SYNPO: variants seen among roughly 807,000 people sequenced by gnomAD.
SYNPO encodes the protein synaptopodin.
In SYNPO, 19 loss-of-function variants were observed where a neutral mutation model predicts 49.5. The ratio of observed to expected loss-of-function variants is 0.38; its 90% CI spans 0.27 to 0.56. SYNPO has a LOEUF of 0.56. Among genes scored for constraint, SYNPO ranks in the 20% least tolerant of loss-of-function variants. SYNPO has a pLI of 0.68. For synonymous variants in SYNPO, 536 were observed against 548.0 expected (o/e 0.98, Z 0.31); for missense variants, 1,131 against 1,248.3 (o/e 0.91, Z 1.42).
chr5:150,654,488 T>C (rs1256348916), intron 2 of SYNPO, among the ~76,000 whole-genome samples: 1 of 152,124 alleles, frequency 6.6e-6, no homozygotes, highest in Non-Finnish European at 1.5e-5. Flanking sequence ...ACTAGTCTGT[T>C]GTGAAAACCT....
rs751833108 is a variant in SYNPO at position 150,649,333 on chromosome 5, A to T, written c.1058A>T (p.His353Leu). Reference sequence around the variant, plus strand: ...CCCAGCTCCGACCCCAAGTCTTCTCATCTGAAGGGCCAGGCGGTTCCTGCC... The same window carrying T: ...CCCAGCTCCGACCCCAAGTCTTCTCTTCTGAAGGGCCAGGCGGTTCCTGCC... ...LYPSSDPKSSHLKGQAVPASK... is the reference protein window; with the variant it reads ...LYPSSDPKSSLLKGQAVPASK... The change falls in exon 2 of 3, where the codon CAT (histidine) becomes CTT (leucine). Residue 353 changes from histidine to leucine, a missense_variant. This residue lies in a region of SYNPO where 602 missense variants were observed against 720.7 expected (regional missense o/e 0.84). Transcript: ENST00000307662. 3.1e-6 allele frequency: 5 copies of T among 1,614,146 alleles called. No individual in the cohort carries two copies. Among genetic ancestry groups the T allele is most frequent in the Non-Finnish European group, 4.2e-6 (5 of 1,180,012 alleles).
chr5:150,648,713 G>A lies in SYNPO; in HGVS notation c.438G>A (p.Pro146=), dbSNP rs367801557. 4.0e-5 allele frequency: 65 copies of A among 1,614,062 alleles called. No homozygotes were observed. The African/African-American group carries it at 7.3e-4, about 18-fold the overall frequency. The change falls in exon 2 of 3, where the codon CCG becomes CCA. Residue 146 remains proline, a synonymous_variant. Coordinates refer to ENST00000307662, the MANE Select transcript of SYNPO (RefSeq NM_007286.6). The surrounding 1 kb of genome is among the most constrained non-coding windows in gnomAD (Gnocchi z 5.0). ...TLCADGQPQA[P]AEEVRCSTLL... ...GTGCTGATGGGCAACCCCAGGCACC[G>A]GCTGAGGAGGTGAGATGCAGCACAC...
At chr5:150,625,272 A>T (rs929969581) in intron 2 of SYNPO, among the ~76,000 whole-genome samples, 1 of 152,170 alleles carries the variant, frequency 6.6e-6, no homozygotes, top group Non-Finnish European at 1.5e-5. Flanking sequence ...CTGTCTCCCC[A>T]AGCCCGTTCT....
At chr5:150,603,810 C>G (rs182499726) in intron 1 of SYNPO, among the ~76,000 whole-genome samples, 2 of 152,316 alleles carry the variant, frequency 1.3e-5, no homozygotes, top group Admixed American at 1.3e-4. Context: ...CCCTCTCTGG[C>G]CCACCTCTCC....
At chr5:150,642,657 C>T (rs1359243518) in intron 1 of SYNPO, among the ~76,000 whole-genome samples, 1 of 152,138 alleles carries the variant, frequency 6.6e-6, no homozygotes, top group Non-Finnish European at 1.5e-5. Context: ...CTAGGGTGTC[C>T]CCCCGCCTCC....
At chr5:150,624,842 G>A (rs548656363) in intron 2 of SYNPO, 4 of 984,562 alleles carry the variant, frequency 4.1e-6, no homozygotes, top group South Asian at 9.0e-5. Context: ...GCGCGCTGAC[G>A]GACGCGGCCA....
intron 2 of SYNPO, chr5:150,625,032 G>T (rs1757307574): frequency 1.1e-6 from 1 of 947,942 alleles, no homozygotes; most frequent in South Asian, 4.9e-5. Flanking sequence ...CCTCGCACGC[G>T]GGGTGACCTT....
At chr5:150,625,568 C>T (rs1003515673) in intron 2 of SYNPO, among the ~76,000 whole-genome samples, 1 of 152,192 alleles carries the variant, frequency 6.6e-6, no homozygotes, top group Non-Finnish European at 1.5e-5. Context: ...CTGCGCTGCC[C>T]GCCTCACAAC....
chr5:150,628,465 T>A (rs930810090), intron 2 of SYNPO, among the ~76,000 whole-genome samples: 4 of 152,244 alleles, frequency 2.6e-5, no homozygotes, highest in African/African-American at 9.6e-5. Flanking sequence ...AACTATGTTA[T>A]GTAACCTCTC....
chr5:150,647,921 T>A, intron 1 of SYNPO, 23 bp from the exon 2 acceptor site: 1 of 1,541,452 alleles, frequency 6.5e-7, no homozygotes, highest in South Asian at 1.2e-5. Context: ...GTTTGCTAAC[T>A]GGGCTTTTGT....
chr5:150,624,148 C>T (rs1228073982), intron 2 of SYNPO, among the ~76,000 whole-genome samples: 1 of 152,236 alleles, frequency 6.6e-6, no homozygotes, highest in Non-Finnish European at 1.5e-5. Context: ...TGCTGACCCA[C>T]TGGTGAAGTC....
At chr5:150,600,284 C>A (rs1416903223), upstream of SYNPO, among the ~76,000 whole-genome samples, 2 of 152,250 alleles carry the variant, frequency 1.3e-5, no homozygotes, top group African/African-American at 4.8e-5. Flanking sequence ...GACGTCACCC[C>A]TGGATGGGTG....
chr5:150,604,331 A>G (rs1481489274), intron 1 of SYNPO, among the ~76,000 whole-genome samples: 1 of 152,244 alleles, frequency 6.6e-6, no homozygotes, highest in African/African-American at 2.4e-5. Context: ...AACTGTTCCC[A>G]TAACTGTGGT....
At chr5:150,598,108 T>C (rs1442585912), upstream of SYNPO, among the ~76,000 whole-genome samples, 1 of 152,066 alleles carries the variant, frequency 6.6e-6, no homozygotes, top group Non-Finnish European at 1.5e-5. Flanking sequence ...CACATCGTGG[T>C]CACGGGTAGG....
chr5:150,595,356 T>A, the SYNPO span, among the ~76,000 whole-genome samples: 104 of 152,250 alleles, frequency 6.8e-4, no homozygotes, highest in Non-Finnish European at 1.2e-3. Context: ...AACCATCTTG[T>A]TCCTCCACCC....
chr5:150,600,175 G>A (rs1756495626), upstream of SYNPO, among the ~76,000 whole-genome samples: 1 of 152,258 alleles, frequency 6.6e-6, no homozygotes, highest in African/African-American at 2.4e-5. Context: ...GAGCTGAACT[G>A]TAAAGGAGGG....
Position 150,656,445 on chromosome 5 carries a change from G to T in SYNPO, c.2070G>T (p.Pro690=). The T allele has an allele frequency of 3.9e-6, 6 of 1,531,972 alleles. No individual in the cohort carries two copies. The highest frequency in any genetic ancestry group is 5.2e-6 in the Non-Finnish European group (6 of 1,145,258). The allele number at this position is 1,531,972 out of a possible 1,614,324, so 94.9% of individuals were successfully genotyped here. Residue 690 remains proline (P), a synonymous_variant, in exon 3 of 3, where the codon CCG becomes CCT. Coordinates refer to ENST00000307662, the MANE Select transcript of SYNPO (RefSeq NM_007286.6). ...ESLPTSPPWT[P]GASRPPSSLD... ...TGCCCACCTCCCCACCCTGGACGCC[G>T]GGCGCGTCCCGGCCCCCCAGCAGCC... is the stretch of plus-strand genomic sequence containing the variant.
At chr5:150,615,196 C>T (rs1756951365) in intron 1 of SYNPO, 2 of 152,356 alleles carry the variant, frequency 1.3e-5, no homozygotes, top group African/African-American at 4.8e-5. Flanking sequence ...TGGGAGTCCT[C>T]CTTCCTCCTT....
At chr5:150,590,277 C>T in the SYNPO span, among the ~76,000 whole-genome samples, 2 of 152,330 alleles carry the variant, frequency 1.3e-5, no homozygotes, top group South Asian at 4.1e-4. Flanking sequence ...CTACGTGCTC[C>T]CCTGGCTCAT....
Sources: gnomAD v4.1 joint callset for allele counts (sites outside exome capture counted in the v4.1 genomes callset) on GRCh38, gnomAD v4.1.1 for gene constraint, gnomAD v4.1.1 regional missense constraint, Gnocchi (gnomAD v3.1) non-coding constraint, MANE v1.5 for transcripts, NCBI Gene and HGNC (gene_info 2026-07-23, HGNC 2026-07-21) for gene names.